The following BRF1 variants were observed in gnomAD, a reference collection of about 807,000 sequenced individuals.
BRF1 encodes transcription factor IIIB 90 kDa subunit.
BRF1 carries 59 observed loss-of-function variants against 81.7 expected under a neutral mutation model. That is an observed-to-expected ratio of 0.72 (90% CI 0.59 to 0.90). The LOEUF (loss-of-function observed/expected upper bound fraction) is 0.90, where lower values mean the gene tolerates loss of function less well. BRF1 is among the 40% of genes least tolerant of loss of function. The pLI is 0.00. For missense variants in BRF1, 1,050 were observed against 936.3 expected, an observed-to-expected ratio of 1.12 and a Z score of -1.58; for synonymous variants, 491 against 395.6, an observed-to-expected ratio of 1.24 and a Z score of -2.86.
chr14:105,304,803 GCTT>G (rs1199247830), upstream of BRF1, among the ~76,000 whole-genome samples: 1 of 152,244 alleles, frequency 6.6e-6, no homozygotes, highest in Non-Finnish European at 1.5e-5. Flanking sequence ...GAGAGAGAGA[GCTT>G]CTGCAGGGAA....
intron 5 of BRF1, chr14:105,249,280 C>T: frequency 3.9e-6 from 6 of 1,553,750 alleles, no homozygotes; most frequent in Non-Finnish European, 5.2e-6. Context: ...GGAACGCGTG[C>T]CCCGTCCGCC....
chr14:105,298,972 C>T (rs1404585576), intron 1 of BRF1, among the ~76,000 whole-genome samples: 1 of 151,858 alleles, frequency 6.6e-6, no homozygotes, highest in Non-Finnish European at 1.5e-5. Context: ...AGATCGAGAC[C>T]ATCCTGGCTA....
intron 2 of BRF1, among the ~76,000 whole-genome samples, chr14:105,283,609 G>T (rs75207618): frequency 0.027 from 4,048 of 152,236 alleles, 132 homozygotes; most frequent in African/African-American, 0.076. Context: ...TATTTAAAAG[G>T]CTTTTGAAAA....
intron 1 of BRF1, among the ~76,000 whole-genome samples, chr14:105,287,513 C>T (rs1000610487): frequency 1.3e-5 from 2 of 152,180 alleles, no homozygotes; most frequent in Admixed American, 6.5e-5. Flanking sequence ...AATCGGGACG[C>T]GCAGACAACC....
chr14:105,229,059 G>C (rs1433813796), intron 6 of BRF1, 146 bp from the exon 7 acceptor site: 4 of 738,222 alleles, frequency 5.4e-6, no homozygotes, highest in East Asian at 5.0e-5. Context: ...ACCCTCACTT[G>C]GCATGGCTAC....
chr14:105,312,909 C>G (rs2058383921), intron 1 of BRF1, among the ~76,000 whole-genome samples: 1 of 152,188 alleles, frequency 6.6e-6, no homozygotes, highest in Non-Finnish European at 1.5e-5. Context: ...TCGGGCCACT[C>G]TGGTACAGAC....
At chr14:105,282,323 C>T (rs1227774874) in intron 2 of BRF1, among the ~76,000 whole-genome samples, 1 of 152,228 alleles carries the variant, frequency 6.6e-6, no homozygotes, top group Non-Finnish European at 1.5e-5. Context: ...ACAGAGTCCT[C>T]GCAGAACATG....
At chr14:105,267,473 T>TG (rs1271330393) in intron 3 of BRF1, among the ~76,000 whole-genome samples, 11 of 151,888 alleles carry the variant, frequency 7.2e-5, no homozygotes, top group Middle Eastern at 6.8e-3. Context: ...GGATTTTTTT[T>TG]TTTGTTTTCT....
upstream of BRF1, among the ~76,000 whole-genome samples, chr14:105,304,358 G>T (rs1442705132): frequency 2.0e-5 from 3 of 152,104 alleles, no homozygotes; most frequent in African/African-American, 7.2e-5. Context: ...TGTGATGGTG[G>T]GCGCCTGTAG....
chr14:105,211,929 G>C, intron 16 of BRF1, 184 bp downstream of exon 16: 2 of 834,596 alleles, frequency 2.4e-6, no homozygotes, highest in South Asian at 3.3e-5. Context: ...CTCCTGCTCC[G>C]GCAACCGGGA....
At chr14:105,257,696 C>T (rs1422520895) in intron 3 of BRF1, among the ~76,000 whole-genome samples, 2 of 152,170 alleles carry the variant, frequency 1.3e-5, no homozygotes, top group African/African-American at 4.8e-5. Context: ...GGGGTGGGGC[C>T]AGTGACATCA....
intron 14 of BRF1, 92 bp from the exon 15 acceptor site, chr14:105,217,892 G>A: frequency 6.5e-7 from 1 of 1,545,524 alleles, no homozygotes; most frequent in Admixed American, 1.7e-5. Flanking sequence ...GTGCAGGCGG[G>A]TGAGGCCTGG....
rs2056662480 is a variant in BRF1, at chr14:105,271,681, G to A, written c.439+1040C>T. Among the ~76,000 whole-genome samples, 1 of 152,220 alleles carries A rather than the reference G, an allele frequency of 6.6e-6. No individual in the cohort carries two copies. Among genetic ancestry groups the A allele is most frequent in the African/African-American group, 2.4e-5 (1 of 41,454 alleles). Reference sequence around the variant, plus strand: ...AGCAGAGGAGGCTGGAAGGCTCTGGGCTCCCTGTCAAGAGGCCGAAGGCAG... The same window carrying A: ...AGCAGAGGAGGCTGGAAGGCTCTGGACTCCCTGTCAAGAGGCCGAAGGCAG... On this transcript the variant is annotated intron_variant, in intron 3 of 17. Transcript: ENST00000547530. This position sits in a 1 kb window ranked among gnomAD's most constrained non-coding sequence, Gnocchi z 5.5.
At position 105,300,658 on chromosome 14, in the gene BRF1, G is replaced by A. The variant is rs587679134; in HGVS notation, c.-29C>T. Reference sequence around the variant, plus strand: ...GGCGACCGCGCGGGCAGCGCCCGGAGCCTCCCAAGACTCTCAAGCCACCCG... The same window carrying A: ...GGCGACCGCGCGGGCAGCGCCCGGAACCTCCCAAGACTCTCAAGCCACCCG... On this transcript the variant is annotated 5_prime_UTR_variant, in exon 1 of 18. Coordinates refer to ENST00000547530, the MANE Select transcript of BRF1 (RefSeq NM_001519.4). The A allele has an allele frequency of 4.5e-6, 6 of 1,343,378 alleles. No homozygotes were observed. Among genetic ancestry groups the A allele is most frequent in the Admixed American group, 4.1e-5 (1 of 24,296 alleles). 83.2% of individuals were successfully genotyped at this position (1,343,378 alleles called of 1,614,324 possible).
chr14:105,314,522 A>C (rs2058467280), intron 1 of BRF1: 1 of 144,880 alleles, frequency 6.9e-6, no homozygotes, highest in African/African-American at 2.5e-5. Context: ...GCTCTCGCGC[A>C]CCGGCGGGCG....
upstream of BRF1, among the ~76,000 whole-genome samples, chr14:105,302,600 A>C (rs1394654688): frequency 6.6e-6 from 1 of 151,964 alleles, no homozygotes; most frequent in Non-Finnish European, 1.5e-5. Context: ...ATTTTTTAAA[A>C]ATTGAGATAG....
rs183934575 is a variant in BRF1, at chr14:105,270,547, G to A, written c.439+2174C>T. On this transcript the variant is annotated intron_variant, in intron 3 of 17. Transcript: ENST00000547530. ...CTCATGCCTATAATCCCAGCACTTTGGGAGGCCAGGGCGGGTGGATCACTT... is the reference window on the plus strand; with the variant it reads ...CTCATGCCTATAATCCCAGCACTTTAGGAGGCCAGGGCGGGTGGATCACTT... Among the ~76,000 whole-genome samples the A allele has an allele frequency of 3.6e-3, 552 of 152,046 alleles. 1 individual carries two copies. Among genetic ancestry groups the A allele is most frequent in the African/African-American group, 0.013 (529 of 41,544 alleles).
chr14:105,308,851 G>C (rs1389095222), intron 1 of BRF1, among the ~76,000 whole-genome samples: 1 of 151,850 alleles, frequency 6.6e-6, no homozygotes, highest in Non-Finnish European at 1.5e-5. Flanking sequence ...GTTCACACTT[G>C]TAATCCCAGC....
chr14:105,218,195 A>G (rs1192284856), intron 14 of BRF1, among the ~76,000 whole-genome samples: 2 of 151,850 alleles, frequency 1.3e-5, no homozygotes, highest in African/African-American at 4.8e-5. Context: ...AAGACAGACA[A>G]TCCACCCCAG....
Sources: allele counts gnomAD v4.1 joint callset (sites outside exome capture counted in the v4.1 genomes callset), GRCh38; gene constraint gnomAD v4.1.1; non-coding constraint Gnocchi (gnomAD v3.1); transcripts MANE v1.5; gene names NCBI Gene and HGNC (gene_info 2026-07-23, HGNC 2026-07-21).